The following EYA4 variants were observed in gnomAD, a reference collection of about 807,000 sequenced individuals.
EYA4 encodes the protein protein phosphatase EYA4.
Under a neutral mutation model 87.9 loss-of-function variants are expected in EYA4, and 31 were observed. The observed-to-expected ratio is 0.35, with a 90% CI of 0.27 to 0.48. EYA4 has a LOEUF of 0.48. Ranked by LOEUF, EYA4 falls within the 20% of genes least tolerant of loss-of-function variation. EYA4 has a pLI of 0.99. For missense variants in EYA4, 678 were observed against 761.4 expected (o/e 0.89, Z 1.29); for synonymous variants, 263 against 270.6 (o/e 0.97, Z 0.28).
chr6:133,275,546 CTTT>C (rs369470483), intron 2 of EYA4, among the ~76,000 whole-genome samples: 7 of 142,168 alleles, frequency 4.9e-5, no homozygotes, highest in South Asian at 2.3e-4. Context: ...GATGCTGTTC[CTTT>C]TTTTTTTTTT....
intron 2 of EYA4, among the ~76,000 whole-genome samples, chr6:133,375,086 A>G (rs1785571163): frequency 6.6e-6 from 1 of 152,030 alleles, no homozygotes; most frequent in Non-Finnish European, 1.5e-5. Context: ...GAAGTGAAGT[A>G]TAACGTAAGT....
rs116268735 is a variant in EYA4 at position 133,493,596 on chromosome 6, G to A, written c.1191+10481G>A. The stretch of plus-strand genomic sequence containing the variant: ...CAACCAAGCAAAAATGGATAAATGG[G>A]AGGCATCAAGTTAAAAAGCTTCTGC... On this transcript the variant is annotated intron_variant, in intron 13 of 19. Transcript: ENST00000355286. Among the ~76,000 whole-genome samples, 599 of 152,220 alleles carry A rather than the reference G, an allele frequency of 3.9e-3. 5 individuals are homozygous for A. Among genetic ancestry groups the A allele is most frequent in the African/African-American group, 0.013 (539 of 41,536 alleles).
intron 3 of EYA4, among the ~76,000 whole-genome samples, chr6:133,421,910 A>G (rs1790253565): frequency 6.6e-6 from 1 of 152,214 alleles, no homozygotes; most frequent in African/African-American, 2.4e-5. Flanking sequence ...ACTATTCTCC[A>G]TTATAATGGG....
chr6:133,361,364 A>G (rs1036557051), intron 2 of EYA4, among the ~76,000 whole-genome samples: 2 of 152,206 alleles, frequency 1.3e-5, no homozygotes, highest in Non-Finnish European at 2.9e-5. Flanking sequence ...GTTTGCTGCA[A>G]TACAATCAAT....
At position 133,495,277 on chromosome 6, in the gene EYA4, G is replaced by GA. The variant is rs534164858; in HGVS notation, c.1192-10821dup. On this transcript the variant is annotated intron_variant, in intron 13 of 19. Coordinates refer to ENST00000355286, the MANE Select transcript of EYA4 (RefSeq NM_004100.5). Reference sequence around the variant, plus strand: ...GAGTGAGACTCTGTCTCAAAAAAAAGAAAAAAAATCTCATGTATCCCATGT... The same window carrying GA: ...GAGTGAGACTCTGTCTCAAAAAAAAGAAAAAAAAATCTCATGTATCCCATGT... Among the ~76,000 whole-genome samples the GA allele has an allele frequency of 3.4e-3, 507 of 149,342 alleles. 1 individual carries two copies. Among genetic ancestry groups the GA allele is most frequent in the Non-Finnish European group, 5.9e-3 (396 of 67,336 alleles).
At chr6:133,334,793 GTATT>G (rs1782240732) in intron 2 of EYA4, among the ~76,000 whole-genome samples, 1 of 152,132 alleles carries the variant, frequency 6.6e-6, no homozygotes, top group African/African-American at 2.4e-5. Flanking sequence ...ATCTTGGTAA[GTATT>G]AGTATAAATA....
intron 3 of EYA4, among the ~76,000 whole-genome samples, chr6:133,436,523 A>G (rs1791699091): frequency 6.6e-6 from 1 of 152,244 alleles, no homozygotes; most frequent in Admixed American, 6.5e-5. Flanking sequence ...TGAACAAATT[A>G]GAAAACAATC....
At chr6:133,394,042 C>A (rs553066738) in intron 3 of EYA4, among the ~76,000 whole-genome samples, 1 of 152,286 alleles carries the variant, frequency 6.6e-6, no homozygotes, top group South Asian at 2.1e-4. Flanking sequence ...GCAACCTACA[C>A]AGTATTCTCA....
At chr6:133,410,181 A>G (rs901449236) in intron 3 of EYA4, among the ~76,000 whole-genome samples, 3 of 152,164 alleles carry the variant, frequency 2.0e-5, no homozygotes, top group Non-Finnish European at 4.4e-5. Flanking sequence ...ATTGATGAAT[A>G]GATTTCATTA....
At chr6:133,481,327 CT>C (rs1364187784) in intron 11 of EYA4, 135 bp from the exon 12 acceptor site, 6 of 822,048 alleles carry the variant, frequency 7.3e-6, no homozygotes, top group Admixed American at 1.9e-5. Context: ...CTTGTGTGTG[CT>C]TGGGATTATA....
intron 1 of EYA4, among the ~76,000 whole-genome samples, chr6:133,272,920 G>T (rs1034068478): frequency 2.6e-5 from 4 of 151,910 alleles, no homozygotes; most frequent in Admixed American, 2.6e-4. Context: ...CATAGAGCTA[G>T]GCGTGGAATA....
intron 6 of EYA4, among the ~76,000 whole-genome samples, chr6:133,460,730 T>C (rs893059501): frequency 2.0e-5 from 3 of 152,124 alleles, no homozygotes; most frequent in African/African-American, 4.8e-5. Flanking sequence ...GCAATATGTA[T>C]ATATTGCCAT....
At chr6:133,469,741 G>A (rs1392895530) in intron 11 of EYA4, among the ~76,000 whole-genome samples, 1 of 151,670 alleles carries the variant, frequency 6.6e-6, no homozygotes, top group Non-Finnish European at 1.5e-5. Context: ...AAAACTTCTA[G>A]AAGAAAAAAA....
chr6:133,373,165 C>A (rs1785407831), intron 2 of EYA4, among the ~76,000 whole-genome samples: 1 of 151,962 alleles, frequency 6.6e-6, no homozygotes, highest in Admixed American at 6.6e-5. Context: ...TGTTTGGAAA[C>A]ATATGTAACT....
At chr6:133,310,666 A>G (rs564462646) in intron 2 of EYA4, among the ~76,000 whole-genome samples, 31 of 152,326 alleles carry the variant, frequency 2.0e-4, no homozygotes, top group African/African-American at 6.5e-4. Context: ...ACTAAAAGAT[A>G]TTTGGAGGAG....
chr6:133,303,963 A>T (rs1200970775), intron 2 of EYA4, among the ~76,000 whole-genome samples: 1 of 152,142 alleles, frequency 6.6e-6, no homozygotes, highest in Non-Finnish European at 1.5e-5. Context: ...CAGACAGGGA[A>T]GACTTGCCTC....
chr6:133,441,378 G>A (rs1429868791), intron 3 of EYA4, among the ~76,000 whole-genome samples: 3 of 152,100 alleles, frequency 2.0e-5, no homozygotes, highest in Admixed American at 1.3e-4. Flanking sequence ...GATACATACT[G>A]TTATAAATAA....
intron 2 of EYA4, among the ~76,000 whole-genome samples, chr6:133,299,026 C>T (rs1779160284): frequency 1.3e-5 from 2 of 152,110 alleles, no homozygotes; most frequent in South Asian, 4.1e-4. Context: ...CACTGTAGTG[C>T]TTTCTGCCTG....
chr6:133,298,202 T>C (rs565569622), intron 2 of EYA4, among the ~76,000 whole-genome samples: 1 of 152,334 alleles, frequency 6.6e-6, no homozygotes, highest in South Asian at 2.1e-4. Context: ...CCAACTCCTG[T>C]GCCCTTTTGC....
Sources: allele counts gnomAD v4.1 joint callset (sites outside exome capture counted in the v4.1 genomes callset), GRCh38; gene constraint gnomAD v4.1.1; transcripts MANE v1.5; gene names NCBI Gene and HGNC (gene_info 2026-07-23, HGNC 2026-07-21).